CCDC74B: variants seen among roughly 807,000 people sequenced by gnomAD.
The protein encoded by CCDC74B is coiled-coil domain containing 74B.
CCDC74B carries 34 observed loss-of-function variants against 38.0 expected under a neutral mutation model. That is an observed-to-expected ratio of 0.89 (90% CI 0.68 to 1.19). The LOEUF (loss-of-function observed/expected upper bound fraction) is 1.19. Among genes scored for constraint, CCDC74B ranks in the 50% most tolerant of loss-of-function variants. The probability of loss-of-function intolerance (pLI) is 0.00; values close to 1 mark genes in which losing one functional copy is unlikely to be tolerated. For missense variants in CCDC74B, 358 were observed against 406.0 expected, an observed-to-expected ratio of 0.88 and a Z score of 1.02; for synonymous variants, 132 against 170.4, an observed-to-expected ratio of 0.77 and a Z score of 1.76.
In CCDC74B at chr2:130,140,031, G is replaced by A; in HGVS notation, c.744C>T (p.Ser248=). The A allele has an allele frequency of 6.2e-7, 1 of 1,606,760 alleles. No individual in the cohort carries two copies. The highest frequency in any genetic ancestry group is 8.5e-7 in the Non-Finnish European group (1 of 1,177,014). Residue 248 remains serine, a synonymous_variant, in exon 6 of 8, where the codon AGC becomes AGT. Coordinates refer to ENST00000409943, the MANE Select transcript of CCDC74B (RefSeq NM_001258307.2). ...GTGCACCAGGCACTCACCTGGGAAA[G>A]CTAGCTTCCTCCGGGACTGCCTGGG... The part of the protein sequence containing the change: ...QRPQAVPEEA[S]FPRDQEATHF...
chr2:130,142,502 A>G (rs1685719341), intron 2 of CCDC74B: 4 of 1,560,690 alleles, frequency 2.6e-6, no homozygotes, highest in Non-Finnish European at 1.7e-6. Context: ...CTTGGGCCAC[A>G]CTTTGCCCAG....
At position 130,143,250 on chromosome 2, in the gene CCDC74B, T is replaced by G. The variant is rs1455100687; in HGVS notation, c.295+19A>C. 5.0e-6 allele frequency: 8 copies of G among 1,611,950 alleles called. No individual in the cohort carries two copies. ...GTGGCAAGAGCATCCCATCAGGAAC[T>G]GAAGGGCCCAGTTCTCACCTTTCTT... On this transcript the variant is annotated intron_variant, in intron 2 of 7. Coordinates refer to ENST00000409943, the MANE Select transcript of CCDC74B (RefSeq NM_001258307.2).
chr2:130,144,649 T>C, intron 1 of CCDC74B, 98 bp downstream of exon 1: 1 of 1,552,300 alleles, frequency 6.4e-7, no homozygotes, highest in Non-Finnish European at 8.7e-7. Flanking sequence ...AGCCCAGGCG[T>C]GTGCTGGAGT....
rs757926667 is a variant in CCDC74B at position 130,140,214 on chromosome 2, C to T, written c.643G>A (p.Glu215Lys). The T allele has an allele frequency of 4.1e-5, 66 of 1,613,134 alleles. No individual in the cohort carries two copies. The highest frequency in any genetic ancestry group is 5.0e-5 in the Non-Finnish European group (59 of 1,179,672). Residue 215 changes from glutamate (E) to lysine (K), a missense_variant, in exon 5 of 8, where the codon GAG becomes AAG. By Grantham distance (56) the Glu-to-Lys change is moderately conservative. Coordinates refer to ENST00000409943, the MANE Select transcript of CCDC74B (RefSeq NM_001258307.2). ...TGCAGGAGGTTGGTATTCCACAGCT[C>T]GCGGATGAGCACTTCGCACTGCCTA... is the stretch of plus-strand genomic sequence containing the variant. ...TLRQCEVLIRELWNTNLLQTQ... is the reference protein window; with the variant it reads ...TLRQCEVLIRKLWNTNLLQTQ...
At position 130,140,693 on chromosome 2, in the gene CCDC74B, C is replaced by T; in HGVS notation, c.486-322G>A. ...TCTCGGGATGTGCAGATGCAGGAGC[C>T]TGTCCTGCTGGTTGCGCTGCTGAAA... On this transcript the variant is annotated intron_variant, in intron 4 of 7. Transcript: ENST00000409943. The T allele has an allele frequency of 6.6e-6, 3 of 454,240 alleles. No homozygotes were observed. The South Asian group carries it at 1.1e-4, about 16-fold the overall frequency. 28.1% of individuals were successfully genotyped at this position (454,240 alleles called of 1,614,324 possible).
rs375216340 is a variant in CCDC74B, at chr2:130,143,330, G to A, written c.251-17C>T. ...AACGGAGATCTGAAAGCAAGCACAC[G>A]CTCTCCTCAGCACTTGTGAAACCAC... is the stretch of plus-strand genomic sequence containing the variant. On this transcript the variant is annotated splice_polypyrimidine_tract_variant and intron_variant, in intron 1 of 7. Coordinates refer to ENST00000409943, the MANE Select transcript of CCDC74B (RefSeq NM_001258307.2). 3.3e-5 allele frequency: 54 copies of A among 1,613,826 alleles called. No individual in the cohort carries two copies. The highest frequency in any genetic ancestry group is 3.3e-5 in the Admixed American group (2 of 60,000).
intron 2 of CCDC74B, chr2:130,142,699 C>G: frequency 2.6e-6 from 4 of 1,545,838 alleles, no homozygotes; most frequent in Middle Eastern, 1.7e-4. Flanking sequence ...GAAGTGAGCT[C>G]GAGACCACAA....
chr2:130,139,521 T>C lies in CCDC74B; in HGVS notation c.*34A>G, dbSNP rs1685443178. ...TAGAGAGCCAATCTCCAGCTGCAGG[T>C]TGGTGGGCCTGGCACTGACCAGATG... On this transcript the variant is annotated 3_prime_UTR_variant, in exon 8 of 8. Transcript: ENST00000409943. The C allele has an allele frequency of 4.4e-6, 7 of 1,608,448 alleles. No individual in the cohort carries two copies. In the East Asian group the frequency reaches 1.6e-4, roughly 36 times the overall value.
At chr2:130,142,052 T>C (rs1003539368) in intron 3 of CCDC74B, 81 bp downstream of exon 3, 156 of 1,567,450 alleles carry the variant, frequency 1.0e-4, no homozygotes, top group Non-Finnish European at 1.3e-4. Flanking sequence ...GGGTACCTGG[T>C]CAGCACCCCT....
intron 7 of CCDC74B, 96 bp from the exon 8 acceptor site, chr2:130,139,786 G>C: frequency 6.2e-7 from 1 of 1,606,702 alleles, no homozygotes; most frequent in Non-Finnish European, 8.5e-7. Context: ...GCACAGAGAG[G>C]CCTCAGCGAG....
Position 130,139,547 on chromosome 2 carries a change from C to T in CCDC74B, c.*8G>A, listed in dbSNP as rs200926787. On this transcript the variant is annotated 3_prime_UTR_variant, in exon 8 of 8. Transcript: ENST00000409943. ...TGGTGGGCCTGGCACTGACCAGATG[C>T]GGGTAGCTCAAAGCACCGAGCGATG... 6.2e-6 allele frequency: 10 copies of T among 1,613,214 alleles called. No individual in the cohort carries two copies. The highest frequency in any genetic ancestry group is 2.2e-5 in the East Asian group (1 of 44,876).
At chr2:130,143,929 A>G (rs1393176205) in intron 1 of CCDC74B, among the ~76,000 whole-genome samples, 7 of 102,448 alleles carry the variant, frequency 6.8e-5, no homozygotes, top group Middle Eastern at 4.5e-3. Context: ...GTGGGGGAGG[A>G]GGGAGGGAGA....
rs1340197781 is a variant in CCDC74B, at chr2:130,144,992, C to G, written c.5G>C (p.Ser2Thr). The G allele has an allele frequency of 9.2e-5, 134 of 1,449,336 alleles. No homozygotes were observed. The highest frequency in any genetic ancestry group is 1.1e-4 in the Non-Finnish European group (124 of 1,100,710). 89.8% of individuals were successfully genotyped at this position (1,449,336 alleles called of 1,614,324 possible). A position where few individuals can be genotyped will look rare whatever the true frequency, so the allele number is the denominator to read the frequency against. Residue 2 changes from serine to threonine, a missense_variant, in exon 1 of 8, where the codon AGC becomes ACC. Ser to Thr is a moderately conservative substitution (Grantham distance 58, BLOSUM62 1). Around this residue, in one of 3 missense-constraint regions of CCDC74B, gnomAD observed 128 missense variants for 146.7 expected, o/e 0.87. Coordinates refer to ENST00000409943, the MANE Select transcript of CCDC74B (RefSeq NM_001258307.2). ...CGTCCCAGCCGCCACCCCCGCACCG[C>G]TCATATCGCCATCGCCAGGTACTCT... MSGAGVAAGTRP... is the reference protein window; with the variant it reads MTGAGVAAGTRP...
intron 3 of CCDC74B, chr2:130,141,662 T>C (rs2599965): frequency 3.9e-5 from 15 of 381,574 alleles, no homozygotes; most frequent in Non-Finnish European, 6.6e-5. Context: ...GGGTTAGGGC[T>C]GGGCTGAGGA....
chr2:130,145,087 G>A lies in CCDC74B; in HGVS notation c.-91C>T, dbSNP rs913348625. 6 of 1,398,748 alleles carry A rather than the reference G, an allele frequency of 4.3e-6. No individual in the cohort carries two copies. In the Admixed American group the frequency reaches 1.0e-4, roughly 24 times the overall value. The allele number at this position is 1,398,748 out of a possible 1,614,324, so 86.6% of individuals were successfully genotyped here. A position where few individuals can be genotyped will look rare whatever the true frequency, so the allele number is the denominator to read the frequency against. ...CTGGCGCCCCGTCACCATGGAAACC[G>A]GGCGACGGAGGGCGCCAGGCGTTTG... is the stretch of plus-strand genomic sequence containing the variant. On this transcript the variant is annotated 5_prime_UTR_variant, in exon 1 of 8. Coordinates refer to ENST00000409943, the MANE Select transcript of CCDC74B (RefSeq NM_001258307.2).
intron 3 of CCDC74B, 189 bp downstream of exon 3, chr2:130,141,944 C>G (rs1273608920): frequency 3.5e-6 from 3 of 857,472 alleles, no homozygotes; most frequent in Admixed American, 6.6e-5. Flanking sequence ...GTCCCTGGTC[C>G]TGCCCACCCC....
intron 2 of CCDC74B, chr2:130,142,820 A>G (rs1685746622): frequency 6.5e-7 from 1 of 1,549,924 alleles, no homozygotes; most frequent in Admixed American, 2.0e-5. Context: ...GTTGCTGCCC[A>G]GATGGCAGGA....
chr2:130,142,843 A>T (rs1382480591), intron 2 of CCDC74B: 2 of 1,550,142 alleles, frequency 1.3e-6, no homozygotes, highest in East Asian at 4.9e-5. Context: ...GGATCCCTGG[A>T]TGGAGTGTGT....
rs1412057283 is a variant in CCDC74B at position 130,141,692 on chromosome 2, G to C, written c.347-396C>G. On this transcript the variant is annotated intron_variant, in intron 3 of 7. Coordinates refer to ENST00000409943, the MANE Select transcript of CCDC74B (RefSeq NM_001258307.2). ...TGAGGAAAATGCCCGGCCTCACAGA[G>C]TGGGGAAAAGAGGCTCTCTGCTCCC... The C allele has an allele frequency of 1.1e-5, 4 of 365,846 alleles. No individual in the cohort carries two copies. The Admixed American group carries it at 1.3e-4, about 12-fold the overall frequency. The allele number at this position is 365,846 out of a possible 1,614,324, so 22.7% of individuals were successfully genotyped here.
Sources: allele counts gnomAD v4.1 joint callset (sites outside exome capture counted in the v4.1 genomes callset), GRCh38; gene constraint gnomAD v4.1.1; regional missense constraint gnomAD v4.1.1; transcripts MANE v1.5; gene names NCBI Gene and HGNC (gene_info 2026-07-23, HGNC 2026-07-21).